The following CDH26 variants were observed in gnomAD, a reference collection of about 807,000 sequenced individuals.
CDH26 encodes the protein cadherin 26, also known as cadherin-like protein 26.
A neutral mutation model predicts 90.3 loss-of-function variants in CDH26; 83 were observed. That is an observed-to-expected ratio of 0.92 (90% CI 0.77 to 1.10). The LOEUF (loss-of-function observed/expected upper bound fraction) is 1.10, where lower values mean the gene tolerates loss of function less well. Among genes scored for constraint, CDH26 ranks in the 50% least tolerant of loss-of-function variants. The probability of loss-of-function intolerance (pLI) is 0.00; values close to 1 mark genes in which losing one functional copy is unlikely to be tolerated. For synonymous variants in CDH26, 397 were observed against 396.3 expected, an observed-to-expected ratio of 1.00 and a Z score of -0.02; for missense variants, 1,013 against 1,037.6, an observed-to-expected ratio of 0.98 and a Z score of 0.33.
intron 16 of CDH26, among the ~76,000 whole-genome samples, chr20:60,005,033 A>G (rs558909874): frequency 4.6e-5 from 7 of 151,956 alleles, no homozygotes; most frequent in African/African-American, 1.7e-4. Flanking sequence ...AGCAAGACCA[A>G]CCCTTCTTCT....
downstream of CDH26, among the ~76,000 whole-genome samples, chr20:60,035,724 C>G (rs1365373007): frequency 6.6e-6 from 1 of 152,048 alleles, no homozygotes; most frequent in Admixed American, 6.6e-5. Context: ...GGGCGGTTCC[C>G]CCATGCTGTT....
rs190179156 is a variant in CDH26, at chr20:59,960,629, T to C, written c.69+1834T>C. Among the ~76,000 whole-genome samples the C allele has an allele frequency of 8.6e-4, 131 of 152,372 alleles. 1 individual carries two copies. The highest frequency in any genetic ancestry group is 1.4e-3 in the Admixed American group (21 of 15,306). Reference sequence around the variant, plus strand: ...ACTCAGACCAGTGTCACCCTTCTTATTGATCTTTGTAGCCAAAGATAATTA... The same window carrying C: ...ACTCAGACCAGTGTCACCCTTCTTACTGATCTTTGTAGCCAAAGATAATTA... On this transcript the variant is annotated intron_variant, in intron 1 of 17. Coordinates refer to ENST00000348616, the MANE Select transcript of CDH26 (RefSeq NM_177980.4).
exon 8 of CDH26, chr20:60,031,329 G>A: frequency 7.7e-7 from 1 of 1,296,096 alleles, no homozygotes; most frequent in Non-Finnish European, 1.0e-6. Context: ...TTTACAAGGA[G>A]ATGATGCCAC....
downstream of CDH26, among the ~76,000 whole-genome samples, chr20:60,016,001 C>A (rs1174857487): frequency 6.6e-6 from 1 of 152,088 alleles, no homozygotes; most frequent in Non-Finnish European, 1.5e-5. Flanking sequence ...TTTTATAGTA[C>A]CATGCTGTTT....
intron 1 of CDH26, among the ~76,000 whole-genome samples, chr20:59,961,464 A>G (rs2061072739): frequency 6.6e-6 from 1 of 152,216 alleles, no homozygotes; most frequent in Non-Finnish European, 1.5e-5. Context: ...AAAGAGCTTT[A>G]CACCTGGCAG....
At chr20:59,972,218 G>T in intron 4 of CDH26, 95 bp downstream of exon 4, 1 of 1,168,436 alleles carries the variant, frequency 8.6e-7, no homozygotes, top group Non-Finnish European at 1.2e-6. Flanking sequence ...TATGTGCCAG[G>T]TTCCGGGAGA....
intron 15 of CDH26, 115 bp from the exon 16 acceptor site, chr20:60,002,698 T>C: frequency 1.7e-6 from 1 of 605,726 alleles, no homozygotes; most frequent in Non-Finnish European, 2.7e-6. Context: ...TCTTTAGAAT[T>C]ACTATACCTT....
At chr20:59,986,926 A>G (rs1372117191) in intron 7 of CDH26, among the ~76,000 whole-genome samples, 2 of 152,222 alleles carry the variant, frequency 1.3e-5, no homozygotes, top group South Asian at 2.1e-4. Flanking sequence ...GTAAAAAGCA[A>G]TGCTCTCAAA....
chr20:60,002,740 A>G, intron 15 of CDH26, 73 bp from the exon 16 acceptor site: 1 of 1,220,112 alleles, frequency 8.2e-7, no homozygotes, highest in Non-Finnish European at 1.2e-6. Context: ...TATGACTGCA[A>G]GAATTTCTAG....
chr20:59,981,399 T>C (rs1443516402), intron 4 of CDH26, among the ~76,000 whole-genome samples: 1 of 152,190 alleles, frequency 6.6e-6, no homozygotes, highest in Admixed American at 6.5e-5. Flanking sequence ...AGGTCTTCTT[T>C]GATTTCTTTC....
intron 4 of CDH26, among the ~76,000 whole-genome samples, chr20:59,976,498 T>C (rs1360574813): frequency 6.6e-6 from 1 of 152,236 alleles, no homozygotes; most frequent in Non-Finnish European, 1.5e-5. Flanking sequence ...AGTGGTTCTT[T>C]TTTTAAATGG....
chr20:59,981,404 TC>T (rs1329706605), intron 4 of CDH26, among the ~76,000 whole-genome samples: 2 of 152,192 alleles, frequency 1.3e-5, no homozygotes, highest in Admixed American at 6.5e-5. Context: ...TTCTTTGATT[TC>T]TTTCATCAGT....
At chr20:59,962,435 C>A (rs2061087199) in intron 1 of CDH26, among the ~76,000 whole-genome samples, 1 of 152,318 alleles carries the variant, frequency 6.6e-6, no homozygotes, top group South Asian at 2.1e-4. Context: ...GCAATCCCAG[C>A]TGTTTCTTGG....
At chr20:60,003,879 G>A (rs1265474711) in intron 16 of CDH26, among the ~76,000 whole-genome samples, 1 of 152,178 alleles carries the variant, frequency 6.6e-6, no homozygotes, top group South Asian at 2.1e-4. Context: ...ATAGTGTGGG[G>A]TTAGGACCTG....
chr20:60,001,210 C>G, intron 14 of CDH26, 133 bp from the exon 15 acceptor site: 1 of 1,087,094 alleles, frequency 9.2e-7, no homozygotes, highest in Non-Finnish European at 1.3e-6. Context: ...CGCCCTCCCT[C>G]TCATCGTGTT....
intron 4 of CDH26, among the ~76,000 whole-genome samples, chr20:59,974,117 G>A (rs891110046): frequency 6.6e-6 from 1 of 151,896 alleles, no homozygotes; most frequent in Non-Finnish European, 1.5e-5. Context: ...ATCTCATTGT[G>A]GTTTTAATTT....
At chr20:60,022,052 T>C (rs532900512) in intron 7 of CDH26, among the ~76,000 whole-genome samples, 10 of 152,028 alleles carry the variant, frequency 6.6e-5, no homozygotes, top group African/African-American at 1.9e-4. Context: ...GTCTATATTA[T>C]ATATTATCAC....
chr20:60,011,008 A>G (rs1366553017), intron 17 of CDH26, among the ~76,000 whole-genome samples: 2 of 152,202 alleles, frequency 1.3e-5, no homozygotes, highest in East Asian at 3.9e-4. Flanking sequence ...AGCCACATCT[A>G]GCAGAGAGGC....
rs755492215 is a variant in CDH26 at position 59,958,757 on chromosome 20, C to CTGCTGCTGCTTCTAG, written c.42_56dup (p.Leu15_Leu19dup). 1 of 1,614,118 alleles carries CTGCTGCTGCTTCTAG rather than the reference C, an allele frequency of 6.2e-7. No homozygotes were observed. The highest frequency in any genetic ancestry group is 2.2e-5 in the East Asian group (1 of 44,872). ...CATGAGATCCGGGAGGCACCCCTCG[C>CTGCTGCTGCTTCTAG]TGCTGCTGCTTCTAGTGCTGCTGCT... On this transcript the variant is annotated inframe_insertion, in exon 1 of 18. Transcript: ENST00000348616.
Sources: gnomAD v4.1 joint callset for allele counts (sites outside exome capture counted in the v4.1 genomes callset) on GRCh38, gnomAD v4.1.1 for gene constraint, MANE v1.5 for transcripts, NCBI Gene and HGNC (gene_info 2026-07-23, HGNC 2026-07-21) for gene names.